Variants in MAP2K1 observed in about 807,000 individuals in gnomAD.
MAP2K1 encodes dual specificity mitogen-activated protein kinase kinase 1.
MAP2K1 carries 16 observed loss-of-function variants against 46.3 expected under a neutral mutation model. The ratio of observed to expected loss-of-function variants is 0.35; its 90% confidence interval spans 0.23 to 0.52. MAP2K1 has a LOEUF of 0.52. Among genes scored for constraint, MAP2K1 ranks in the 20% least tolerant of loss-of-function variants. MAP2K1 has a pLI of 0.94. For missense variants in MAP2K1, 263 were observed against 497.1 expected (o/e 0.53, Z 4.48); for synonymous variants, 183 against 185.6 (o/e 0.99, Z 0.11).
chr15:66,486,731 T>G (rs1031883398), intron 7 of MAP2K1, among the ~76,000 whole-genome samples: 1 of 152,100 alleles, frequency 6.6e-6, no homozygotes. Context: ...GAGGTCCACA[T>G]GAGAGAGAGC....
intron 1 of MAP2K1, among the ~76,000 whole-genome samples, chr15:66,411,848 T>G (rs543355979): frequency 6.6e-6 from 1 of 152,342 alleles, no homozygotes; most frequent in Non-Finnish European, 1.5e-5. Context: ...ACCCATTCTC[T>G]GTCCAGGTGC....
chr15:66,434,934 C>T (rs538282621), intron 1 of MAP2K1, 93 bp from the exon 2 acceptor site: 2 of 897,382 alleles, frequency 2.2e-6, no homozygotes, highest in East Asian at 2.4e-5. Flanking sequence ...CTGTCTGGCC[C>T]CAGACCTGGA....
chr15:66,413,854 G>A (rs1334188356), intron 1 of MAP2K1, among the ~76,000 whole-genome samples: 1 of 151,692 alleles, frequency 6.6e-6, no homozygotes, highest in African/African-American at 2.4e-5. Context: ...GCAGGGATCT[G>A]GGCCTGTCTT....
At chr15:66,396,687 C>A (rs1369027794) in intron 1 of MAP2K1, among the ~76,000 whole-genome samples, 1 of 152,064 alleles carries the variant, frequency 6.6e-6, no homozygotes, top group Non-Finnish European at 1.5e-5. Flanking sequence ...TATAATAGTT[C>A]TTTTTTCTTT....
intron 3 of MAP2K1, among the ~76,000 whole-genome samples, chr15:66,442,816 T>C (rs553826590): frequency 6.8e-4 from 103 of 152,316 alleles, no homozygotes; most frequent in African/African-American, 2.4e-3. Context: ...CTGACTGGCT[T>C]TAAGTTGGGA....
intron 1 of MAP2K1, among the ~76,000 whole-genome samples, chr15:66,420,861 A>ATATATGTGTGTG (rs2093439167): frequency 1.2e-5 from 1 of 85,222 alleles, no homozygotes; most frequent in African/African-American, 4.1e-5. Flanking sequence ...ATATGTGTGT[A>ATATATGTGTGTG]TATATATGTG....
At chr15:66,419,831 G>A (rs900613963) in intron 1 of MAP2K1, among the ~76,000 whole-genome samples, 1 of 152,072 alleles carries the variant, frequency 6.6e-6, no homozygotes, top group African/African-American at 2.4e-5. Context: ...TCTTTTTAAA[G>A]GATAGGAATA....
At chr15:66,403,331 T>G (rs1328188917) in intron 1 of MAP2K1, among the ~76,000 whole-genome samples, 1 of 152,150 alleles carries the variant, frequency 6.6e-6, no homozygotes, top group Non-Finnish European at 1.5e-5. Flanking sequence ...CTCTATATCC[T>G]CACTCTCCTA....
rs573540666 is a variant in MAP2K1, at chr15:66,461,186, A to G, written c.568+16479A>G. 8.5e-5 allele frequency among the ~76,000 whole-genome samples: 13 copies of G among 152,244 alleles called. No homozygotes were observed. In the East Asian group the frequency reaches 2.5e-3, roughly 29 times the overall value. Reference sequence around the variant, plus strand: ...GATGGAACTTAGCTCATGATGCCCAACACCATAGAGGAACAAGAGTGGGCT... The same window carrying G: ...GATGGAACTTAGCTCATGATGCCCAGCACCATAGAGGAACAAGAGTGGGCT... On this transcript the variant is annotated intron_variant, in intron 5 of 10. Coordinates refer to ENST00000307102, the MANE Select transcript of MAP2K1 (RefSeq NM_002755.4).
chr15:66,421,464 G>A (rs773691394), intron 1 of MAP2K1, among the ~76,000 whole-genome samples: 2 of 150,196 alleles, frequency 1.3e-5, no homozygotes, highest in Non-Finnish European at 3.0e-5. Flanking sequence ...TTCCTTAAGT[G>A]CTAACTGCGA....
chr15:66,425,893 A>C (rs1009149475), intron 1 of MAP2K1, among the ~76,000 whole-genome samples: 2 of 152,236 alleles, frequency 1.3e-5, no homozygotes, highest in African/African-American at 2.4e-5. Context: ...TTTGGCTAAC[A>C]ATCTTGGATC....
At position 66,443,316 on chromosome 15, in the gene MAP2K1, G is replaced by A. The variant is rs1891771994; in HGVS notation, c.475G>A (p.Gly159Arg). 6.2e-7 allele frequency: 1 copy of A among 1,612,816 alleles called. No individual in the cohort carries two copies. The highest frequency in any genetic ancestry group is 1.3e-5 in the African/African-American group (1 of 74,826). ...GSLDQVLKKAGRIPEQILGKV... is the reference protein window; with the variant it reads ...GSLDQVLKKARRIPEQILGKV... Reference sequence around the variant, plus strand: ...TCTGGATCAAGTCCTGAAGAAAGCTGGAAGAATTCCTGAACAAATTTTAGG... The same window carrying A: ...TCTGGATCAAGTCCTGAAGAAAGCTAGAAGAATTCCTGAACAAATTTTAGG... The change falls in exon 4 of 11, where the codon GGA becomes AGA. Residue 159 changes from glycine (G) to arginine (R), a missense_variant. This residue lies in a region of MAP2K1 where 103 missense variants were observed against 221.6 expected (regional missense o/e 0.46). Transcript: ENST00000307102.
intron 5 of MAP2K1, among the ~76,000 whole-genome samples, chr15:66,467,311 A>G (rs957507049): frequency 2.0e-5 from 3 of 152,220 alleles, no homozygotes; most frequent in Admixed American, 2.0e-4. Context: ...AACTGACTCC[A>G]TGTTGCTTCT....
chr15:66,434,987 C>T (rs8043109), intron 1 of MAP2K1, 40 bp from the exon 2 acceptor site: 1 of 1,301,924 alleles, frequency 7.7e-7, no homozygotes. Flanking sequence ...GTTGACTTCT[C>T]TGGTGACAGT....
In MAP2K1 at chr15:66,414,710, AC is replaced by A. The variant is rs1265563447; in HGVS notation, c.81-20316del. Among the ~76,000 whole-genome samples the A allele has an allele frequency of 3.3e-5, 5 of 151,910 alleles. No homozygotes were observed. In the East Asian group the frequency reaches 9.6e-4, roughly 29 times the overall value. On this transcript the variant is annotated intron_variant, in intron 1 of 10. Coordinates refer to ENST00000307102, the MANE Select transcript of MAP2K1 (RefSeq NM_002755.4). ...TACTCACTGCAGGTTAGGCTGTATTACATGGCTCAGAGCCCCAACCTTGTAA... is the reference window on the plus strand; with the variant it reads ...TACTCACTGCAGGTTAGGCTGTATTAATGGCTCAGAGCCCCAACCTTGTAA...
At chr15:66,470,148 T>C (rs1372374394) in intron 5 of MAP2K1, among the ~76,000 whole-genome samples, 3 of 132,120 alleles carry the variant, frequency 2.3e-5, no homozygotes, top group Non-Finnish European at 4.6e-5. Flanking sequence ...AGAGGCCTCG[T>C]TCCCCATAAT....
rs1205971774 is a variant in MAP2K1 at position 66,387,302 on chromosome 15, G to A, written c.-46G>A. On this transcript the variant is annotated 5_prime_UTR_variant, in exon 1 of 11. In the 5' UTR this introduces an upstream ATG that the reference lacks. Coordinates refer to ENST00000307102, the MANE Select transcript of MAP2K1 (RefSeq NM_002755.4). Reference sequence around the variant, plus strand: ...GCAGCGCAGCGGGAGGAAGCGAGAGGTGCTGCCCTCCCCCCGGAGTTGGAA... The same window carrying A: ...GCAGCGCAGCGGGAGGAAGCGAGAGATGCTGCCCTCCCCCCGGAGTTGGAA... The A allele has an allele frequency of 6.8e-7, 1 of 1,471,698 alleles. No homozygotes were observed. Among genetic ancestry groups the A allele is most frequent in the Admixed American group, 2.0e-5 (1 of 50,646 alleles). The allele number at this position is 1,471,698 out of a possible 1,614,324, so 91.2% of individuals were successfully genotyped here.
rs181644227 is a variant in MAP2K1, at chr15:66,430,898, G to T, written c.81-4129G>T. On this transcript the variant is annotated intron_variant, in intron 1 of 10. Transcript: ENST00000307102. ...TCACTGGTGTTTCCAAAAAGCAAAT[G>T]ACAACCCTTGTTTTTCTCTGCATTC... Among the ~76,000 whole-genome samples, 19 of 152,262 alleles carry T rather than the reference G, an allele frequency of 1.2e-4. No homozygotes were observed. The South Asian group carries it at 2.5e-3, about 20-fold the overall frequency.
At chr15:66,436,269 C>A (rs2093487837) in intron 2 of MAP2K1, among the ~76,000 whole-genome samples, 1 of 152,132 alleles carries the variant, frequency 6.6e-6, no homozygotes, top group South Asian at 2.1e-4. Flanking sequence ...ACTTGTCTCC[C>A]CAGCTGGAAC....
Sources: allele counts gnomAD v4.1 joint callset (sites outside exome capture counted in the v4.1 genomes callset), GRCh38; gene constraint gnomAD v4.1.1; regional missense constraint gnomAD v4.1.1; transcripts MANE v1.5; gene names NCBI Gene and HGNC (gene_info 2026-07-23, HGNC 2026-07-21).